The following CERS6 variants were observed in gnomAD, a reference collection of about 807,000 sequenced individuals.
The protein encoded by CERS6 is ceramide synthase 6, also known as LAG1 homolog, ceramide synthase 6.
Under a neutral mutation model 56.8 loss-of-function variants are expected in CERS6, and 26 were observed. The observed-to-expected ratio is 0.46, with a 90% CI of 0.34 to 0.63. CERS6 has a LOEUF of 0.63. Ranked by LOEUF, CERS6 falls within the 30% of genes least tolerant of loss-of-function variation. The pLI is 0.01. For missense variants in CERS6, 415 were observed against 467.5 expected (o/e 0.89, Z 1.04); for synonymous variants, 164 against 173.3 (o/e 0.95, Z 0.42).
chr2:168,660,151 T>C (rs1574137831), intron 4 of CERS6, among the ~76,000 whole-genome samples: 1 of 152,206 alleles, frequency 6.6e-6, no homozygotes, highest in African/African-American at 2.4e-5. Context: ...TCAACAGATA[T>C]CTATTGAGCG....
chr2:168,466,423 G>T (rs1693878837), intron 1 of CERS6, among the ~76,000 whole-genome samples: 1 of 152,122 alleles, frequency 6.6e-6, no homozygotes, highest in Non-Finnish European at 1.5e-5. Context: ...GGTGAGTGAA[G>T]ATCAGATTTC....
chr2:168,585,983 T>G (rs976955086), intron 3 of CERS6, among the ~76,000 whole-genome samples: 2 of 152,178 alleles, frequency 1.3e-5, no homozygotes, highest in African/African-American at 4.8e-5. Flanking sequence ...AATGGCAGGT[T>G]AAGATACTTT....
intron 1 of CERS6, among the ~76,000 whole-genome samples, chr2:168,459,599 G>A (rs1693741407): frequency 6.6e-6 from 1 of 151,704 alleles, no homozygotes; most frequent in African/African-American, 2.4e-5. Context: ...GACCACTGTA[G>A]CGACCAATTG....
At position 168,751,134 on chromosome 2, in the gene CERS6, CA is replaced by C. The variant is rs920341074; in HGVS notation, c.846-14456del. Among the ~76,000 whole-genome samples the C allele has an allele frequency of 9.9e-5, 15 of 152,206 alleles. 1 individual carries two copies. The South Asian group carries it at 1.5e-3, about 15-fold the overall frequency. On this transcript the variant is annotated intron_variant, in intron 8 of 9. Transcript: ENST00000305747. ...GTTACCTCAAAACTTATCCTAAACACAAGTAAGAGGTTATAGCAGGAAGTGT... is the reference window on the plus strand; with the variant it reads ...GTTACCTCAAAACTTATCCTAAACACAGTAAGAGGTTATAGCAGGAAGTGT...
Position 168,456,418 on chromosome 2 carries a change from G to T in CERS6, c.-31G>T, listed in dbSNP as rs1477942314. ...GCGGTGGAGAGCTTGGCGGGCTGCG[G>T]GTGCCGCAGGACAGGAGTGGACAAA... On this transcript the variant is annotated 5_prime_UTR_variant, in exon 1 of 10. Transcript: ENST00000305747. This position sits in a 1 kb window ranked among gnomAD's most constrained non-coding sequence, Gnocchi z 4.1. 3 of 1,552,276 alleles carry T rather than the reference G, an allele frequency of 1.9e-6. No homozygotes were observed. Among genetic ancestry groups the T allele is most frequent in the Non-Finnish European group, 2.6e-6 (3 of 1,145,336 alleles).
chr2:168,489,356 A>G (rs927405190), intron 1 of CERS6, among the ~76,000 whole-genome samples: 13 of 152,076 alleles, frequency 8.5e-5, no homozygotes, highest in Non-Finnish European at 1.8e-4. Context: ...ACTAAGTGTG[A>G]CTATTTTTGA....
intron 3 of CERS6, among the ~76,000 whole-genome samples, chr2:168,604,390 CGTGTGTGTGT>C (rs57929934): frequency 6.6e-6 from 1 of 150,592 alleles, no homozygotes; most frequent in Non-Finnish European, 1.5e-5. Flanking sequence ...CAGTTGTATA[CGTGTGTGTGT>C]GTGTGTGTGT....
intron 3 of CERS6, among the ~76,000 whole-genome samples, chr2:168,589,351 C>T (rs1413878953): frequency 6.6e-6 from 1 of 152,082 alleles, no homozygotes; most frequent in African/African-American, 2.4e-5. Flanking sequence ...GTGCTATCTC[C>T]ATTTGAAAGA....
intron 3 of CERS6, among the ~76,000 whole-genome samples, chr2:168,626,493 T>G (rs980781281): frequency 6.6e-6 from 1 of 152,222 alleles, no homozygotes; most frequent in African/African-American, 2.4e-5. Context: ...CAAAGAGCCC[T>G]GTTCAACCTT....
At chr2:168,488,366 A>G (rs955802886) in intron 1 of CERS6, among the ~76,000 whole-genome samples, 2 of 152,226 alleles carry the variant, frequency 1.3e-5, no homozygotes, top group African/African-American at 2.4e-5. Context: ...AATATAGCCA[A>G]TCTATATATT....
rs1218484886 is a variant in CERS6, at chr2:168,602,985, AT to A, written c.408-27998del. ...ACTTAACATTTTGTGAAATGTGTAG[AT>A]TATCTGCCTCTACATAGCTCAATTA... On this transcript the variant is annotated intron_variant, in intron 3 of 9. Coordinates refer to ENST00000305747, the MANE Select transcript of CERS6 (RefSeq NM_203463.3). Among the ~76,000 whole-genome samples, 4 of 152,316 alleles carry A rather than the reference AT, an allele frequency of 2.6e-5. No individual in the cohort carries two copies. The South Asian group carries it at 8.3e-4, about 32-fold the overall frequency.
chr2:168,716,802 C>T (rs1687237970), intron 7 of CERS6, among the ~76,000 whole-genome samples: 1 of 152,104 alleles, frequency 6.6e-6, no homozygotes, highest in Non-Finnish European at 1.5e-5. Context: ...CTAACTTCCA[C>T]CCAGTTAATA....
In CERS6 at chr2:168,625,652, G is replaced by A. The variant is rs539796846; in HGVS notation, c.408-5333G>A. 4.6e-5 allele frequency among the ~76,000 whole-genome samples: 7 copies of A among 152,268 alleles called. No individual in the cohort carries two copies. The East Asian group carries it at 1.4e-3, about 29-fold the overall frequency. On this transcript the variant is annotated intron_variant, in intron 3 of 9. Coordinates refer to ENST00000305747, the MANE Select transcript of CERS6 (RefSeq NM_203463.3). The stretch of plus-strand genomic sequence containing the variant: ...AGGTAAAGAACAAGTCAGAATTACA[G>A]TGTTTTCCATGTTGCAGCATCCAGA...
intron 3 of CERS6, among the ~76,000 whole-genome samples, chr2:168,629,729 G>A (rs1009909468): frequency 6.6e-6 from 1 of 152,118 alleles, no homozygotes; most frequent in African/African-American, 2.4e-5. Context: ...TCTAGAATTT[G>A]TACAACAAAC....
intron 3 of CERS6, among the ~76,000 whole-genome samples, chr2:168,561,728 A>G (rs1388078477): frequency 1.3e-5 from 2 of 151,998 alleles, no homozygotes; most frequent in Admixed American, 1.3e-4. Flanking sequence ...GGTCGTGACA[A>G]TCTTCTGTAT....
chr2:168,498,357 G>T (rs1043862087), intron 1 of CERS6, among the ~76,000 whole-genome samples: 3 of 152,056 alleles, frequency 2.0e-5, no homozygotes, highest in Non-Finnish European at 4.4e-5. Flanking sequence ...CTGTAAATTT[G>T]GAAAGGAGGG....
chr2:168,731,069 C>T (rs1290988441), intron 8 of CERS6, among the ~76,000 whole-genome samples: 3 of 152,130 alleles, frequency 2.0e-5, no homozygotes, highest in Non-Finnish European at 2.9e-5. Flanking sequence ...GTTTTAATCA[C>T]TTAATATTTT....
intron 8 of CERS6, among the ~76,000 whole-genome samples, chr2:168,732,274 G>A (rs150039353): frequency 1.4e-3 from 209 of 152,170 alleles, no homozygotes; most frequent in African/African-American, 4.5e-3. Context: ...TCCTTGTCAC[G>A]TTTCTCCACT....
chr2:168,676,027 G>C (rs1686051810), intron 4 of CERS6, among the ~76,000 whole-genome samples: 1 of 152,134 alleles, frequency 6.6e-6, no homozygotes, highest in Non-Finnish European at 1.5e-5. Flanking sequence ...GATTTTTGCA[G>C]TTCTTCTTAA....
Sources: gnomAD v4.1 joint callset for allele counts (sites outside exome capture counted in the v4.1 genomes callset) on GRCh38, gnomAD v4.1.1 for gene constraint, Gnocchi (gnomAD v3.1) non-coding constraint, MANE v1.5 for transcripts, NCBI Gene and HGNC (gene_info 2026-07-23, HGNC 2026-07-21) for gene names.